Variants in TMEM135 observed in about 807,000 individuals in gnomAD.
The protein encoded by TMEM135 is transmembrane protein 135, also known as peroxisomal membrane protein 52.
A neutral mutation model predicts 60.3 loss-of-function variants in TMEM135; 30 were observed. That is an observed-to-expected ratio of 0.50 (90% CI 0.37 to 0.68). TMEM135 has a LOEUF of 0.68. Among genes scored for constraint, TMEM135 ranks in the 30% least tolerant of loss-of-function variants. The pLI, the probability that TMEM135 is intolerant of heterozygous loss-of-function variation, is 0.00. For missense variants in TMEM135, 468 were observed against 548.8 expected (o/e 0.85, Z 1.47); for synonymous variants, 190 against 186.7 (o/e 1.02, Z -0.14).
chr11:87,313,516 AT>A, intron 11 of TMEM135, 28 bp downstream of exon 11: 1 of 1,548,146 alleles, frequency 6.5e-7, no homozygotes. Flanking sequence ...ATGAATGGTT[AT>A]TATTGTATTA....
chr11:87,229,019 A>G (rs1334575614), intron 5 of TMEM135, among the ~76,000 whole-genome samples: 4 of 152,200 alleles, frequency 2.6e-5, no homozygotes, highest in Non-Finnish European at 5.9e-5. Flanking sequence ...AGGAAACAAT[A>G]TATTGTAAAT....
rs1942887198 is a variant in TMEM135 at position 87,324,709 on chromosome 11, G to C, written c.*3376G>C. The C allele has an allele frequency of 2.2e-6, 1 of 453,794 alleles. No homozygotes were observed. The highest frequency in any genetic ancestry group is 4.4e-6 in the Non-Finnish European group (1 of 226,764). 28.1% of individuals were successfully genotyped at this position (453,794 alleles called of 1,614,324 possible). A position where few individuals can be genotyped will look rare whatever the true frequency, so the allele number is the denominator to read the frequency against. On this transcript the variant is annotated 3_prime_UTR_variant, in exon 15 of 15. Coordinates refer to ENST00000305494, the MANE Select transcript of TMEM135 (RefSeq NM_022918.4). ...GCCTCCCGGGACTCTGGGATTCCAGGTGTGAGCCACGGTACCTAGCCATAT... is the reference window on the plus strand; with the variant it reads ...GCCTCCCGGGACTCTGGGATTCCAGCTGTGAGCCACGGTACCTAGCCATAT...
At chr11:87,277,928 A>G (rs1298123242) in intron 6 of TMEM135, among the ~76,000 whole-genome samples, 1 of 152,244 alleles carries the variant, frequency 6.6e-6, no homozygotes, top group Non-Finnish European at 1.5e-5. Flanking sequence ...TCACTTTCTA[A>G]TAGATCTATA....
At chr11:87,113,341 T>C (rs12289430) in intron 4 of TMEM135, among the ~76,000 whole-genome samples, 2 of 152,016 alleles carry the variant, frequency 1.3e-5, no homozygotes, top group Non-Finnish European at 1.5e-5. Context: ...ACCTTTTCTC[T>C]AAAATGCACC....
intron 10 of TMEM135, among the ~76,000 whole-genome samples, chr11:87,311,118 T>C (rs1249171918): frequency 6.6e-6 from 1 of 151,442 alleles, no homozygotes; most frequent in African/African-American, 2.4e-5. Flanking sequence ...TATATATATA[T>C]ATATACGTAC....
At chr11:87,257,467 G>A (rs11235048) in intron 6 of TMEM135, among the ~76,000 whole-genome samples, 53,256 of 151,834 alleles carry the variant, frequency 0.35, 9,862 homozygotes, top group Non-Finnish European at 0.42. Context: ...TACTTGTTTT[G>A]TGACTTTGGG....
At chr11:87,271,806 T>C (rs1013051839) in intron 6 of TMEM135, among the ~76,000 whole-genome samples, 16 of 151,810 alleles carry the variant, frequency 1.1e-4, no homozygotes, top group Admixed American at 2.0e-4. Context: ...CTTGGCAGCA[T>C]GCGCTTATTG....
intron 4 of TMEM135, among the ~76,000 whole-genome samples, chr11:87,145,353 A>G (rs907671254): frequency 1.3e-5 from 2 of 152,150 alleles, no homozygotes; most frequent in South Asian, 2.1e-4. Flanking sequence ...GGTTGATTTC[A>G]TAACTTAGCT....
At chr11:87,215,031 A>T (rs1480272587) in intron 5 of TMEM135, among the ~76,000 whole-genome samples, 1 of 152,134 alleles carries the variant, frequency 6.6e-6, no homozygotes, top group African/African-American at 2.4e-5. Flanking sequence ...CAAGTTTTCC[A>T]TGAGTTTGGG....
intron 6 of TMEM135, among the ~76,000 whole-genome samples, chr11:87,257,570 A>G (rs117641739): frequency 0.027 from 4,091 of 152,300 alleles, 69 homozygotes; most frequent in Admixed American, 0.041. Flanking sequence ...TTGAATATCT[A>G]CTGCATAGTA....
intron 8 of TMEM135, among the ~76,000 whole-genome samples, chr11:87,303,343 C>G (rs1466302538): frequency 6.6e-6 from 1 of 152,124 alleles, no homozygotes; most frequent in Non-Finnish European, 1.5e-5. Context: ...CCTAAACCAC[C>G]CCCCTCTCCA....
chr11:87,218,018 C>A (rs999859523), intron 5 of TMEM135, among the ~76,000 whole-genome samples: 2 of 152,058 alleles, frequency 1.3e-5, no homozygotes, highest in African/African-American at 4.8e-5. Flanking sequence ...GTAATTCCAA[C>A]TGGGGGCAAT....
At position 87,318,194 on chromosome 11, in the gene TMEM135, A is replaced by G. The variant is rs200088804; in HGVS notation, c.1135A>G (p.Thr379Ala). The G allele has an allele frequency of 1.1e-5, 17 of 1,612,704 alleles. No individual in the cohort carries two copies. Among genetic ancestry groups the G allele is most frequent in the Non-Finnish European group, 1.4e-5 (16 of 1,179,732 alleles). ...GGTTCCCTATTTTCCTCATGCAGAT[A>G]CTATCATCTATTCCATCTCTACAGC... ...GKVPYFPHAD[T>A]IIYSISTAIC... Residue 379 changes from threonine (T) to alanine (A), a missense_variant, in exon 13 of 15, where the codon ACT becomes GCT. Physicochemically the swap from Thr to Ala is moderately conservative, Grantham distance 58. Transcript: ENST00000305494.
At chr11:87,238,304 A>C (rs964610300) in intron 6 of TMEM135, among the ~76,000 whole-genome samples, 2 of 151,968 alleles carry the variant, frequency 1.3e-5, no homozygotes, top group African/African-American at 4.8e-5. Context: ...TATAATTTTA[A>C]ATTGTTTTGA....
chr11:87,321,332 G>A lies in TMEM135; in HGVS notation c.1376G>A (p.Ter459=). The part of the protein sequence containing the change: ...VTPELPTEFS[*] Reference sequence around the variant, plus strand: ...CCAGAGTTGCCCACAGAGTTTTCCTGAAGATGACTGTAACTTATTAATGTG... The same window carrying A: ...CCAGAGTTGCCCACAGAGTTTTCCTAAAGATGACTGTAACTTATTAATGTG... Residue 459 remains the stop codon, a stop_retained_variant, in exon 15 of 15, where the codon TGA becomes TAA. Transcript: ENST00000305494. 6.2e-7 allele frequency: 1 copy of A among 1,613,460 alleles called. No individual in the cohort carries two copies. Among genetic ancestry groups the A allele is most frequent in the Non-Finnish European group, 8.5e-7 (1 of 1,179,584 alleles).
At chr11:87,280,121 G>A (rs1447718260) in intron 6 of TMEM135, among the ~76,000 whole-genome samples, 3 of 152,108 alleles carry the variant, frequency 2.0e-5, no homozygotes, top group African/African-American at 4.8e-5. Context: ...GTTAATGTGT[G>A]GTTTAATCTT....
In TMEM135 at chr11:87,271,275, T is replaced by C. The variant is rs183857453; in HGVS notation, c.510-24507T>C. Reference sequence around the variant, plus strand: ...TAACCAGCCCCCAAGAGCTACAGTATGGTCACATTAATGTACTATGAATTT... The same window carrying C: ...TAACCAGCCCCCAAGAGCTACAGTACGGTCACATTAATGTACTATGAATTT... On this transcript the variant is annotated intron_variant, in intron 6 of 14. Coordinates refer to ENST00000305494, the MANE Select transcript of TMEM135 (RefSeq NM_022918.4). Among the ~76,000 whole-genome samples the C allele has an allele frequency of 1.3e-5, 2 of 152,238 alleles. 1 individual carries two copies. Among genetic ancestry groups the C allele is most frequent in the African/African-American group, 4.8e-5 (2 of 41,472 alleles).
At chr11:87,282,276 CTTTTT>C (rs1942074623) in intron 6 of TMEM135, among the ~76,000 whole-genome samples, 1 of 150,660 alleles carries the variant, frequency 6.6e-6, no homozygotes. Context: ...TTTGCCTTTT[CTTTTT>C]GAGTTGGAGT....
intron 4 of TMEM135, among the ~76,000 whole-genome samples, chr11:87,139,065 C>T (rs959952204): frequency 4.6e-5 from 7 of 152,190 alleles, no homozygotes; most frequent in South Asian, 2.1e-4. Flanking sequence ...GCAGCTTCCA[C>T]CTCTGCTCCC....
Sources: allele counts gnomAD v4.1 joint callset (sites outside exome capture counted in the v4.1 genomes callset), GRCh38; gene constraint gnomAD v4.1.1; transcripts MANE v1.5; gene names NCBI Gene and HGNC (gene_info 2026-07-23, HGNC 2026-07-21).